The following ABRAXAS2 variants were observed in gnomAD, a reference collection of about 807,000 sequenced individuals.
ABRAXAS2 encodes abraxas 2, BRISC complex subunit.
A neutral mutation model predicts 49.0 loss-of-function variants in ABRAXAS2; 23 were observed. The ratio of observed to expected loss-of-function variants is 0.47; its 90% CI spans 0.34 to 0.66. The LOEUF (loss-of-function observed/expected upper bound fraction) is 0.66. ABRAXAS2 is among the 30% of genes least tolerant of loss of function. The pLI is 0.01. For missense variants in ABRAXAS2, 443 were observed against 511.9 expected (o/e 0.87, Z 1.30); for synonymous variants, 168 against 180.2 (o/e 0.93, Z 0.54).
intron 2 of ABRAXAS2, among the ~76,000 whole-genome samples, chr10:124,813,114 T>C (rs954311381): frequency 6.6e-6 from 1 of 152,132 alleles, no homozygotes. Flanking sequence ...AGTACGAGAA[T>C]CGCTTGAATG....
At position 124,819,268 on chromosome 10, in the gene ABRAXAS2, C is replaced by T. The variant is rs1023813618; in HGVS notation, c.201-116C>T. 16 of 760,942 alleles carry T rather than the reference C, an allele frequency of 2.1e-5. No homozygotes were observed. In the Admixed American group the frequency reaches 2.1e-4, roughly 10 times the overall value. 47.1% of individuals were successfully genotyped at this position (760,942 alleles called of 1,614,324 possible). A position where few individuals can be genotyped will look rare whatever the true frequency, so the allele number is the denominator to read the frequency against. The stretch of plus-strand genomic sequence containing the variant: ...ATTTCTCTTTATTCACCTGTGTAAA[C>T]CTGTGTAAGGTGAGAAGTTAGGTCT... On this transcript the variant is annotated intron_variant, in intron 3 of 8. Coordinates refer to ENST00000298492, the MANE Select transcript of ABRAXAS2 (RefSeq NM_032182.4).
intron 2 of ABRAXAS2, among the ~76,000 whole-genome samples, chr10:124,816,189 C>G (rs969035934): frequency 1.3e-5 from 2 of 152,210 alleles, no homozygotes; most frequent in Non-Finnish European, 2.9e-5. Flanking sequence ...GCGTGAGCCA[C>G]TGCGACCTGC....
At chr10:124,824,092 G>C (rs946838697) in intron 4 of ABRAXAS2, among the ~76,000 whole-genome samples, 1 of 151,928 alleles carries the variant, frequency 6.6e-6, no homozygotes, top group Non-Finnish European at 1.5e-5. Context: ...TGTAGAGATG[G>C]GGTCTTGCTA....
At chr10:124,818,643 C>G (rs1036875839) in intron 3 of ABRAXAS2, among the ~76,000 whole-genome samples, 4 of 152,032 alleles carry the variant, frequency 2.6e-5, no homozygotes, top group African/African-American at 9.6e-5. Flanking sequence ...CTTATAAGGC[C>G]CAGGTTTATG....
intron 1 of ABRAXAS2, among the ~76,000 whole-genome samples, chr10:124,804,791 G>A (rs1950729513): frequency 6.9e-6 from 1 of 144,724 alleles, no homozygotes; most frequent in South Asian, 2.1e-4. Flanking sequence ...TTGGCTCACT[G>A]CAACCTCTGT....
intron 2 of ABRAXAS2, among the ~76,000 whole-genome samples, chr10:124,810,764 G>C (rs1424889580): frequency 6.6e-6 from 1 of 151,444 alleles, no homozygotes; most frequent in Non-Finnish European, 1.5e-5. Flanking sequence ...TGTATTTTTA[G>C]TAGAGATGGG....
intron 7 of ABRAXAS2, 58 bp downstream of exon 7, chr10:124,829,535 C>A: frequency 8.4e-7 from 1 of 1,184,980 alleles, no homozygotes; most frequent in Non-Finnish European, 1.2e-6. Context: ...GCTTTTAATT[C>A]TACTTTAATT....
chr10:124,826,602 T>C lies in ABRAXAS2; in HGVS notation c.275T>C (p.Ile92Thr). 2 of 1,606,208 alleles carry C rather than the reference T, an allele frequency of 1.2e-6. No individual in the cohort carries two copies. The highest frequency in any genetic ancestry group is 1.7e-6 in the Non-Finnish European group (2 of 1,176,592). Residue 92 changes from isoleucine to threonine, a missense_variant, in exon 5 of 9, where the codon ATT becomes ACT. Coordinates refer to ENST00000298492, the MANE Select transcript of ABRAXAS2 (RefSeq NM_032182.4). ...TTCACACTTTTCTTTCAGAAAGTCA[T>C]TGGGTGGTACAGATTCCGGCGCAAT... ...RILKDRRKKV[I>T]GWYRFRRNTQ...
chr10:124,822,972 G>A (rs752789115), intron 4 of ABRAXAS2, among the ~76,000 whole-genome samples: 2 of 152,256 alleles, frequency 1.3e-5, no homozygotes, highest in South Asian at 2.1e-4. Context: ...ACAGTTAAAA[G>A]TTGGTCTATA....
At chr10:124,830,245 G>A (rs1282832003) in intron 7 of ABRAXAS2, among the ~76,000 whole-genome samples, 1 of 152,122 alleles carries the variant, frequency 6.6e-6, no homozygotes, top group Non-Finnish European at 1.5e-5. Context: ...AGGAGTTCGA[G>A]ATCAGCCTGG....
chr10:124,806,114 C>T (rs1950740889), intron 1 of ABRAXAS2, among the ~76,000 whole-genome samples: 1 of 151,742 alleles, frequency 6.6e-6, no homozygotes, highest in Non-Finnish European at 1.5e-5. Flanking sequence ...TCCTGGCTAA[C>T]ACGGTGAAAC....
chr10:124,832,393 A>C (rs888885514), intron 8 of ABRAXAS2, among the ~76,000 whole-genome samples: 6 of 152,226 alleles, frequency 3.9e-5, no homozygotes, highest in African/African-American at 1.4e-4. Flanking sequence ...TGTAAAATTT[A>C]TAAATGTATG....
intron 4 of ABRAXAS2, among the ~76,000 whole-genome samples, chr10:124,825,886 C>T (rs931414479): frequency 2.0e-5 from 3 of 152,104 alleles, no homozygotes; most frequent in Non-Finnish European, 4.4e-5. Flanking sequence ...GTCCAGGAAT[C>T]TGCACTTTAG....
At chr10:124,817,671 T>C (rs1950834080) in intron 3 of ABRAXAS2, among the ~76,000 whole-genome samples, 1 of 151,974 alleles carries the variant, frequency 6.6e-6, no homozygotes, top group Non-Finnish European at 1.5e-5. Flanking sequence ...CCCTGACCAC[T>C]CTCCCACTGT....
Position 124,834,568 on chromosome 10 carries a change from G to C in ABRAXAS2, c.845G>C (p.Arg282Pro). Reference sequence around the variant, plus strand: ...AGCTTGGACCCAGCGTTCAGTCCTCGGATGCCGTCCTCTGGGTTTGCAGCT... The same window carrying C: ...AGCTTGGACCCAGCGTTCAGTCCTCCGATGCCGTCCTCTGGGTTTGCAGCT... ...SESLDPAFSP[R>P]MPSSGFAAEG... Residue 282 changes from arginine (R) to proline (P), a missense_variant, in exon 9 of 9, where the codon CGG becomes CCG. Around this residue, in one of 3 missense-constraint regions of ABRAXAS2, gnomAD observed 230 missense variants for 237.0 expected, o/e 0.97. Coordinates refer to ENST00000298492, the MANE Select transcript of ABRAXAS2 (RefSeq NM_032182.4). 6.2e-7 allele frequency: 1 copy of C among 1,614,120 alleles called. No homozygotes were observed. The highest frequency in any genetic ancestry group is 1.6e-4 in the Middle Eastern group (1 of 6,062).
intron 3 of ABRAXAS2, among the ~76,000 whole-genome samples, chr10:124,817,095 A>G (rs1253084528): frequency 6.6e-6 from 1 of 152,168 alleles, no homozygotes; most frequent in Non-Finnish European, 1.5e-5. Flanking sequence ...CTGTATGTAC[A>G]TACCTATCAT....
chr10:124,824,202 A>G (rs1250801254), intron 4 of ABRAXAS2, among the ~76,000 whole-genome samples: 1 of 152,088 alleles, frequency 6.6e-6, no homozygotes, highest in East Asian at 1.9e-4. Context: ...ACACCCAGCC[A>G]GGAGAATCTA....
chr10:124,832,783 G>A (rs1007815464), intron 8 of ABRAXAS2, among the ~76,000 whole-genome samples: 3 of 151,616 alleles, frequency 2.0e-5, no homozygotes, highest in Non-Finnish European at 4.4e-5. Flanking sequence ...GGTGGAGGTT[G>A]CAGTGAGCCA....
chr10:124,815,892 CTTTTT>C (rs34730970), intron 2 of ABRAXAS2, among the ~76,000 whole-genome samples: 1 of 94,666 alleles, frequency 1.1e-5, no homozygotes, highest in Admixed American at 1.2e-4. Context: ...GTCCTCGCAG[CTTTTT>C]TTTTTTTTTT....
Sources: gnomAD v4.1 joint callset for allele counts (sites outside exome capture counted in the v4.1 genomes callset) on GRCh38, gnomAD v4.1.1 for gene constraint, gnomAD v4.1.1 regional missense constraint, MANE v1.5 for transcripts, NCBI Gene and HGNC (gene_info 2026-07-23, HGNC 2026-07-21) for gene names.